Variants in MED13 observed in about 807,000 individuals in gnomAD.
MED13 encodes mediator complex subunit 13.
Under a neutral mutation model 225.2 loss-of-function variants are expected in MED13, and 23 were observed. The ratio of observed to expected loss-of-function variants is 0.10; its 90% confidence interval spans 0.07 to 0.14. MED13 has a LOEUF of 0.14. Among genes scored for constraint, MED13 ranks in the 10% least tolerant of loss-of-function variants. The pLI is 1.00. For synonymous variants in MED13, 942 were observed against 889.2 expected, an observed-to-expected ratio of 1.06 and a Z score of -1.06; for missense variants, 2,197 against 2,594.5, an observed-to-expected ratio of 0.85 and a Z score of 3.33.
chr17:61,950,818 G>C lies in MED13; in HGVS notation c.6291+7C>G, dbSNP rs765673375. ...TTATTTAGGAACTGGGACAGAAATG[G>C]CAATACCTTAAGAAAAAGGGGACAC... On this transcript the variant is annotated splice_region_variant and intron_variant, in intron 28 of 29. Coordinates refer to ENST00000397786, the MANE Select transcript of MED13 (RefSeq NM_005121.3). 3 of 1,606,306 alleles carry C rather than the reference G, an allele frequency of 1.9e-6. No homozygotes were observed. The highest frequency in any genetic ancestry group is 2.6e-6 in the Non-Finnish European group (3 of 1,176,028).
In MED13 at chr17:62,029,935, T is replaced by C. The variant is rs2080738995; in HGVS notation, c.1088A>G (p.His363Arg). ...DGFNSDSTSHHGGKIPRKLAN... is the reference protein window; with the variant it reads ...DGFNSDSTSHRGGKIPRKLAN... ...TAATTTTCTGGGTATTTTCCCACCATGGTGGCTAGTACTATCGGAGTTGAA... is the reference window on the plus strand; with the variant it reads ...TAATTTTCTGGGTATTTTCCCACCACGGTGGCTAGTACTATCGGAGTTGAA... The change falls in exon 7 of 30, where the codon CAT becomes CGT. Residue 363 changes from histidine to arginine, a missense_variant. By Grantham distance (29) the His-to-Arg change is conservative. This residue lies in a region of MED13 where 884 missense variants were observed against 918.5 expected (regional missense o/e 0.96). Transcript: ENST00000397786. 2 of 1,613,940 alleles carry C rather than the reference T, an allele frequency of 1.2e-6. No homozygotes were observed. Among genetic ancestry groups the C allele is most frequent in the South Asian group, 1.1e-5 (1 of 91,064 alleles).
chr17:61,967,966 G>A, intron 18 of MED13, 69 bp downstream of exon 18: 6 of 1,207,288 alleles, frequency 5.0e-6, no homozygotes, highest in East Asian at 2.3e-5. Flanking sequence ...GAACTGCCCA[G>A]TATGCTGTAT....
chr17:62,018,932 G>T (rs2080610073), intron 8 of MED13, among the ~76,000 whole-genome samples: 2 of 152,076 alleles, frequency 1.3e-5, no homozygotes, highest in African/African-American at 4.8e-5. Flanking sequence ...AATGACCAAT[G>T]CATGATGTTA....
Position 62,041,559 on chromosome 17 carries a change from A to G in MED13, c.471-5951T>C, listed in dbSNP as rs1383787510. 2.0e-5 allele frequency among the ~76,000 whole-genome samples: 3 copies of G among 152,152 alleles called. No individual in the cohort carries two copies. The East Asian group carries it at 5.8e-4, about 29-fold the overall frequency. ...TTTGTTACGTACATTTTACCACAAT[A>G]AAAAGAAACTGTAGTCATCTTTTTT... On this transcript the variant is annotated intron_variant, in intron 3 of 29. Coordinates refer to ENST00000397786, the MANE Select transcript of MED13 (RefSeq NM_005121.3).
intron 16 of MED13, among the ~76,000 whole-genome samples, chr17:61,974,323 G>A (rs1473965270): frequency 1.3e-5 from 2 of 152,148 alleles, no homozygotes; most frequent in Non-Finnish European, 1.5e-5. Context: ...AGGATCACTT[G>A]AACCCATGAG....
chr17:61,972,700 C>A, intron 17 of MED13, 27 bp downstream of exon 17: 1 of 1,537,858 alleles, frequency 6.5e-7, no homozygotes, highest in Non-Finnish European at 8.7e-7. Context: ...TAAAATTAGT[C>A]ATTATATATC....
intron 17 of MED13, among the ~76,000 whole-genome samples, chr17:61,970,574 CG>C (rs1297213121): frequency 1.4e-5 from 2 of 147,410 alleles, no homozygotes; most frequent in Non-Finnish European, 3.0e-5. Context: ...CCCAGCTACT[CG>C]TGAGGCTGAT....
At chr17:61,982,095 T>G in intron 16 of MED13, 103 bp downstream of exon 16, 1 of 1,124,812 alleles carries the variant, frequency 8.9e-7, no homozygotes, top group Non-Finnish European at 1.3e-6. Flanking sequence ...AGTCCAACTT[T>G]AAATGTATTT....
chr17:61,955,589 T>C lies in MED13; in HGVS notation c.5783-22A>G, dbSNP rs577191204. 6 of 1,543,702 alleles carry C rather than the reference T, an allele frequency of 3.9e-6. No homozygotes were observed. The South Asian group carries it at 5.1e-5, about 13-fold the overall frequency. On this transcript the variant is annotated intron_variant, in intron 25 of 29. Coordinates refer to ENST00000397786, the MANE Select transcript of MED13 (RefSeq NM_005121.3). ...GAATCTGAAAATGAAAGACATTTTT[T>C]CTTTTAATAAACGAAGAATAAATTG...
Sources: allele counts gnomAD v4.1 joint callset (sites outside exome capture counted in the v4.1 genomes callset), GRCh38; gene constraint gnomAD v4.1.1; regional missense constraint gnomAD v4.1.1; transcripts MANE v1.5; gene names NCBI Gene and HGNC (gene_info 2026-07-23, HGNC 2026-07-21).